INO80: variants seen among roughly 807,000 people sequenced by gnomAD.
The protein encoded by INO80 is INO80 complex ATPase subunit.
A neutral mutation model predicts 203.4 loss-of-function variants in INO80; 20 were observed. The ratio of observed to expected loss-of-function variants is 0.10; its 90% CI spans 0.07 to 0.14. The LOEUF (loss-of-function observed/expected upper bound fraction) is 0.14. Among genes scored for constraint, INO80 ranks in the 10% least tolerant of loss-of-function variants. The pLI is 1.00. For synonymous variants in INO80, 726 were observed against 685.2 expected (o/e 1.06, Z -0.93); for missense variants, 1,419 against 1,914.4 (o/e 0.74, Z 4.83).
chr15:40,980,909 T>G (rs1455120928), intron 35 of INO80, among the ~76,000 whole-genome samples: 1 of 152,192 alleles, frequency 6.6e-6, no homozygotes, highest in Non-Finnish European at 1.5e-5. Context: ...CCACTCTCTA[T>G]CCTGTGTCTA....
At chr15:41,018,518 T>G (rs1245817324) in intron 26 of INO80, 3 of 152,188 alleles carry the variant, frequency 2.0e-5, no homozygotes, top group Admixed American at 2.0e-4. Context: ...AAGGGAGAAG[T>G]GGATGGACTG....
rs765789429 is a variant in INO80, at chr15:40,980,337, G to GCTCAAAGGGGAA, written c.4545_4556dup (p.Ser1516_Ser1519dup). ...GATTCCCAGGAACATTATTTCCCTT[G>GCTCAAAGGGGAA]CTCAAAGGGGAACTCAAAGGAGAAG... On this transcript the variant is annotated inframe_insertion, in exon 36 of 36. Coordinates refer to ENST00000648947, the MANE Select transcript of INO80 (RefSeq NM_017553.3). The GCTCAAAGGGGAA allele has an allele frequency of 1.2e-6, 2 of 1,613,732 alleles. No individual in the cohort carries two copies. Among genetic ancestry groups the GCTCAAAGGGGAA allele is most frequent in the African/African-American group, 2.7e-5 (2 of 74,918 alleles).
At chr15:40,985,223 A>G (rs1893975364) in intron 32 of INO80, 115 bp downstream of exon 32, 1 of 738,818 alleles carries the variant, frequency 1.4e-6, no homozygotes. Context: ...GATCATACAC[A>G]GCTGGAGCTT....
intron 10 of INO80, 47 bp downstream of exon 10, chr15:41,074,323 T>C (rs768629933): frequency 4.9e-6 from 7 of 1,415,374 alleles, no homozygotes; most frequent in Non-Finnish European, 6.7e-6. Flanking sequence ...CCTTTAGATA[T>C]AAAAAATAAG....
chr15:40,988,355 C>T (rs1045022643), intron 29 of INO80, among the ~76,000 whole-genome samples: 11 of 152,274 alleles, frequency 7.2e-5, no homozygotes, highest in African/African-American at 2.4e-4. Flanking sequence ...ATCCCATAAT[C>T]GTCATTATTT....
At chr15:41,066,230 A>G (rs969982397) in intron 14 of INO80, among the ~76,000 whole-genome samples, 2 of 151,996 alleles carry the variant, frequency 1.3e-5, no homozygotes, top group African/African-American at 2.4e-5. Flanking sequence ...CCCCTGCCTC[A>G]GCCTTCCGAA....
intron 29 of INO80, among the ~76,000 whole-genome samples, chr15:40,989,233 T>C (rs2043784394): frequency 6.6e-6 from 1 of 152,220 alleles, no homozygotes; most frequent in South Asian, 2.1e-4. Context: ...CCTAGAATTC[T>C]CAGGCTCTCA....
At chr15:41,062,996 G>A (rs1424472993) in intron 14 of INO80, among the ~76,000 whole-genome samples, 1 of 152,022 alleles carries the variant, frequency 6.6e-6, no homozygotes, top group Non-Finnish European at 1.5e-5. Flanking sequence ...CAAAACACTG[G>A]GACACATTTC....
intron 9 of INO80, among the ~76,000 whole-genome samples, chr15:41,075,063 G>C (rs751128110): frequency 6.6e-6 from 1 of 152,070 alleles, no homozygotes; most frequent in Non-Finnish European, 1.5e-5. Context: ...TTCATAATCT[G>C]CTAGTAACAA....
intron 5 of INO80, among the ~76,000 whole-genome samples, chr15:41,088,087 C>CTTT (rs943111352): frequency 0.017 from 1,737 of 101,026 alleles, 90 homozygotes; most frequent in African/African-American, 0.063. Context: ...GCTTGCTTTT[C>CTTT]TTTTTTTTTT....
chr15:41,065,806 A>C (rs1345775288), intron 14 of INO80, among the ~76,000 whole-genome samples: 2 of 152,174 alleles, frequency 1.3e-5, no homozygotes, highest in African/African-American at 4.8e-5. Flanking sequence ...AAGTGTTCAG[A>C]ATAAGCAAAT....
At position 41,073,510 on chromosome 15, in the gene INO80, T is replaced by G. The variant is rs752863140; in HGVS notation, c.1328-15A>C. 6.9e-6 allele frequency: 11 copies of G among 1,598,634 alleles called. No individual in the cohort carries two copies. The African/African-American group carries it at 1.3e-4, about 19-fold the overall frequency. ...ATGGTTACTATCTGAAAAGCAAAAT[T>G]TATGGATTATCACACTTTATCAACT... On this transcript the variant is annotated splice_polypyrimidine_tract_variant and intron_variant, in intron 10 of 35. Coordinates refer to ENST00000648947, the MANE Select transcript of INO80 (RefSeq NM_017553.3).
chr15:41,085,310 T>C (rs368816365), intron 7 of INO80, 59 bp downstream of exon 7: 47 of 1,421,038 alleles, frequency 3.3e-5, no homozygotes, highest in Middle Eastern at 1.8e-4. Context: ...AGTTCCTCTT[T>C]AGTGGGTGGG....
chr15:41,065,941 T>C (rs1344246354), intron 14 of INO80, among the ~76,000 whole-genome samples: 5 of 151,670 alleles, frequency 3.3e-5, no homozygotes, highest in Admixed American at 2.6e-4. Context: ...TAGACAGCAG[T>C]GATGGTTACA....
intron 1 of INO80, among the ~76,000 whole-genome samples, chr15:41,115,190 A>G (rs2046012809): frequency 6.6e-6 from 1 of 152,196 alleles, no homozygotes; most frequent in African/African-American, 2.4e-5. Context: ...CAAGTACATC[A>G]AACTAGAGAC....
In INO80 at chr15:40,996,957, G is replaced by A. The variant is rs12172827; in HGVS notation, c.3570+572C>T. On this transcript the variant is annotated intron_variant, in intron 29 of 35. Coordinates refer to ENST00000648947, the MANE Select transcript of INO80 (RefSeq NM_017553.3). ...TATCAGACACATAGTAGGCATTAGT[G>A]AAATATTTGTCGAATGAATGTGTAA... 4.6e-5 allele frequency among the ~76,000 whole-genome samples: 7 copies of A among 152,304 alleles called. No homozygotes were observed. The East Asian group carries it at 1.4e-3, about 29-fold the overall frequency.
chr15:41,114,999 C>T (rs1043750550), intron 1 of INO80, among the ~76,000 whole-genome samples: 3 of 151,164 alleles, frequency 2.0e-5, no homozygotes, highest in African/African-American at 7.4e-5. Context: ...TAATTATACG[C>T]TTTAGAAAGC....
intron 28 of INO80, among the ~76,000 whole-genome samples, chr15:41,001,997 G>T (rs2043965506): frequency 6.6e-6 from 1 of 152,094 alleles, no homozygotes; most frequent in South Asian, 2.1e-4. Context: ...CTTTGGAGGG[G>T]TCAGCATATG....
At chr15:41,115,942 C>A (rs1596338398) in intron 1 of INO80, 31 bp downstream of exon 1, 4 of 384,454 alleles carry the variant, frequency 1.0e-5, no homozygotes, top group Non-Finnish European at 1.8e-5. Context: ...AACCCCCACT[C>A]CGTTCGCCCG....
Sources: gnomAD v4.1 joint callset for allele counts (sites outside exome capture counted in the v4.1 genomes callset) on GRCh38, gnomAD v4.1.1 for gene constraint, MANE v1.5 for transcripts, NCBI Gene and HGNC (gene_info 2026-07-23, HGNC 2026-07-21) for gene names.